ACADM: variants seen among roughly 807,000 people sequenced by gnomAD.
The protein encoded by ACADM is medium-chain specific acyl-CoA dehydrogenase, mitochondrial.
A neutral mutation model predicts 58.9 loss-of-function variants in ACADM; 49 were observed. That is an observed-to-expected ratio of 0.83 (90% CI 0.66 to 1.06). ACADM has a LOEUF of 1.06. Among genes scored for constraint, ACADM ranks in the 50% least tolerant of loss-of-function variants. ACADM has a pLI of 0.00. For synonymous variants in ACADM, 160 were observed against 157.7 expected (o/e 1.01, Z -0.11); for missense variants, 496 against 507.0 (o/e 0.98, Z 0.21).
rs59063908 is a variant in ACADM at position 75,760,544 on chromosome 1, CAAAAAAAAAAAAAAAAAAAA to C, written c.946-561_946-542del. Reference sequence around the variant, plus strand: ...TGGAAAACAAAGTGAGACCCTGTCTCAAAAAAAAAAAAAAAAAAAAAAAAAAAAAAAAAAAATCAGGCAAA... The same window carrying C: ...TGGAAAACAAAGTGAGACCCTGTCTCAAAAAAAAAAAAAAAATCAGGCAAA... On this transcript the variant is annotated intron_variant, in intron 10 of 11. Transcript: ENST00000370841. Among the ~76,000 whole-genome samples the C allele has an allele frequency of 3.4e-3, 120 of 35,490 alleles. 1 individual carries two copies. In the East Asian group the frequency reaches 0.041, roughly 12 times the overall value. The allele number at this position is 35,490 out of a possible 152,430, so 23.3% of individuals were successfully genotyped here. A position where few individuals can be genotyped will look rare whatever the true frequency, so the allele number is the denominator to read the frequency against.
intron 6 of ACADM, among the ~76,000 whole-genome samples, chr1:75,738,492 G>A (rs763350488): frequency 6.6e-6 from 1 of 152,060 alleles, no homozygotes; most frequent in Admixed American, 6.5e-5. Flanking sequence ...AAAGTGCTGG[G>A]ATTACAAACC....
chr1:75,762,995 C>A lies in ACADM; in HGVS notation c.*232C>A. Reference sequence around the variant, plus strand: ...CTTTAGTACCACTTTACTTGAATTACATTAACCTAGAAAACTACATAGGTT... The same window carrying A: ...CTTTAGTACCACTTTACTTGAATTAAATTAACCTAGAAAACTACATAGGTT... On this transcript the variant is annotated 3_prime_UTR_variant, in exon 12 of 12. Transcript: ENST00000370841. 1 of 349,864 alleles carries A rather than the reference C, an allele frequency of 2.9e-6. No homozygotes were observed. Among genetic ancestry groups the A allele is most frequent in the East Asian group, 5.2e-5 (1 of 19,278 alleles). The allele number at this position is 349,864 out of a possible 1,614,324, so 21.7% of individuals were successfully genotyped here.
intron 10 of ACADM, chr1:75,750,778 TCG>T: frequency 1.9e-6 from 1 of 521,032 alleles, no homozygotes; most frequent in Non-Finnish European, 3.4e-6. Flanking sequence ...AGATGGAGTC[TCG>T]CTCTGTTGCT....
At chr1:75,743,174 G>T (rs1455996634) in intron 7 of ACADM, among the ~76,000 whole-genome samples, 2 of 151,640 alleles carry the variant, frequency 1.3e-5, no homozygotes, top group African/African-American at 4.9e-5. Flanking sequence ...ATCCATTAAG[G>T]CTCTCTCTCT....
chr1:75,733,364 G>T, intron 4 of ACADM, 164 bp from the exon 5 acceptor site: 1 of 974,348 alleles, frequency 1.0e-6, no homozygotes, highest in Non-Finnish European at 1.5e-6. Context: ...CTTTAAGAAA[G>T]TATAATTTCT....
chr1:75,750,470 GA>G lies in ACADM; in HGVS notation c.870del (p.Leu291Ter). Reference sequence around the variant, plus strand: ...TACTAGGTAGCTGCTGGTGCTGTTGGATTAGCACAAAGAGCTTTGGATGAAG... The same window carrying G: ...TACTAGGTAGCTGCTGGTGCTGTTGGTTAGCACAAAGAGCTTTGGATGAAG... ...TRPVVAAGAV[G>X]LAQRALDEAT... On this transcript the variant is annotated frameshift_variant, in exon 10 of 12. Transcript: ENST00000370841. LOFTEE classifies it high-confidence loss of function. 1 of 1,611,916 alleles carries G rather than the reference GA, an allele frequency of 6.2e-7. No individual in the cohort carries two copies. Among genetic ancestry groups the G allele is most frequent in the East Asian group, 2.2e-5 (1 of 44,850 alleles).
chr1:75,760,443 C>A (rs1648768748), intron 10 of ACADM, among the ~76,000 whole-genome samples: 1 of 144,194 alleles, frequency 6.9e-6, no homozygotes, highest in Admixed American at 7.1e-5. Flanking sequence ...AAGAAAAGTC[C>A]CAGCTACTTT....
chr1:75,757,205 A>T lies in ACADM; in HGVS notation c.946-3917A>T, dbSNP rs376742656. 7.0e-4 allele frequency among the ~76,000 whole-genome samples: 107 copies of T among 152,320 alleles called. 1 individual carries two copies. The South Asian group carries it at 0.015, about 21-fold the overall frequency. On this transcript the variant is annotated intron_variant, in intron 10 of 11. Coordinates refer to ENST00000370841, the MANE Select transcript of ACADM (RefSeq NM_000016.6). ...ATGGAAACAAAAGCCAAAATTGACA[A>T]TTGGGATCTAATTAAACTCAAGAGT... is the stretch of plus-strand genomic sequence containing the variant.
chr1:75,748,387 C>T (rs1292151193), intron 8 of ACADM, among the ~76,000 whole-genome samples: 2 of 151,974 alleles, frequency 1.3e-5, no homozygotes, highest in Non-Finnish European at 2.9e-5. Flanking sequence ...TAACCAGTGC[C>T]CTTAAATAAA....
At chr1:75,751,068 G>A (rs938020354) in intron 10 of ACADM, among the ~76,000 whole-genome samples, 65 of 150,778 alleles carry the variant, frequency 4.3e-4, no homozygotes, top group African/African-American at 1.2e-3. Context: ...CTAGCCGGGC[G>A]CGGTGGATCA....
chr1:75,759,519 T>C (rs1648702476), intron 10 of ACADM, among the ~76,000 whole-genome samples: 1 of 152,204 alleles, frequency 6.6e-6, no homozygotes, highest in Non-Finnish European at 1.5e-5. Flanking sequence ...TTACTATCCC[T>C]TATTGAAAGT....
chr1:75,755,422 C>A (rs1353172444), intron 10 of ACADM, among the ~76,000 whole-genome samples: 1 of 152,180 alleles, frequency 6.6e-6, no homozygotes, highest in Non-Finnish European at 1.5e-5. Context: ...TCCAGAGGAA[C>A]AATCAGGCAG....
intron 8 of ACADM, among the ~76,000 whole-genome samples, chr1:75,747,970 T>C (rs1196910370): frequency 6.6e-6 from 1 of 152,204 alleles, no homozygotes; most frequent in Non-Finnish European, 1.5e-5. Context: ...TGTTGGCTTC[T>C]TTCTAGGTCA....
At chr1:75,733,075 A>G in intron 4 of ACADM, 153 bp downstream of exon 4, 1 of 1,613,056 alleles carries the variant, frequency 6.2e-7, no homozygotes, top group Non-Finnish European at 8.5e-7. Context: ...CCACTTTTGG[A>G]AGCTTGCACT....
At chr1:75,751,893 G>A (rs1388564154) in intron 10 of ACADM, among the ~76,000 whole-genome samples, 2 of 151,894 alleles carry the variant, frequency 1.3e-5, no homozygotes, top group Non-Finnish European at 2.9e-5. Context: ...TGAATTTCCA[G>A]GGTAATTCTT....
intron 4 of ACADM, 100 bp downstream of exon 4, chr1:75,733,022 T>C: frequency 6.2e-7 from 1 of 1,613,452 alleles, no homozygotes; most frequent in Non-Finnish European, 8.5e-7. Context: ...TGCCATTAAA[T>C]GACTTTCTAC....
intron 7 of ACADM, chr1:75,744,526 T>C: frequency 2.6e-6 from 4 of 1,509,772 alleles, no homozygotes; most frequent in Non-Finnish European, 3.7e-6. Context: ...GACATCTCCC[T>C]CTGTGACAGG....
rs147395095 is a variant in ACADM, at chr1:75,745,851, T to A, written c.645T>A (p.Ala215=). ...CTGATCCAGATCCTAAAGCTCCTGCTAATAAAGCCTTTACTGGATTCATTG... is the reference window on the plus strand; with the variant it reads ...CTGATCCAGATCCTAAAGCTCCTGCAAATAAAGCCTTTACTGGATTCATTG... ...ARSDPDPKAP[A]NKAFTGFIVE... Residue 215 remains alanine (A), a synonymous_variant, in exon 8 of 12, where the codon GCT becomes GCA. Transcript: ENST00000370841. 1,264 of 1,613,992 alleles carry A rather than the reference T, an allele frequency of 7.8e-4. 1 individual carries two copies. The highest frequency in any genetic ancestry group is 1.3e-3 in the Admixed American group (79 of 60,020).
At chr1:75,735,520 G>T (rs1647232684) in intron 6 of ACADM, among the ~76,000 whole-genome samples, 1 of 152,016 alleles carries the variant, frequency 6.6e-6, no homozygotes, top group South Asian at 2.1e-4. Context: ...TGAATGTAGG[G>T]CAATGTGTGT....
Sources: allele counts gnomAD v4.1 joint callset (sites outside exome capture counted in the v4.1 genomes callset), GRCh38; gene constraint gnomAD v4.1.1; transcripts MANE v1.5; gene names NCBI Gene and HGNC (gene_info 2026-07-23, HGNC 2026-07-21).